Variants in OPRM1 observed in about 807,000 individuals in gnomAD.
The protein encoded by OPRM1 is mu-type opioid receptor.
OPRM1 carries 27 observed loss-of-function variants against 31.8 expected under a neutral mutation model. The ratio of observed to expected loss-of-function variants is 0.85; its 90% CI spans 0.63 to 1.17. The LOEUF is 1.17. OPRM1 is among the 50% of genes most tolerant of loss of function. OPRM1 has a pLI of 0.00. For synonymous variants in OPRM1, 196 were observed against 189.9 expected, an observed-to-expected ratio of 1.03 and a Z score of -0.26; for missense variants, 536 against 511.1, an observed-to-expected ratio of 1.05 and a Z score of -0.47.
intron 3 of OPRM1, among the ~76,000 whole-genome samples, chr6:154,238,924 T>G (rs1014115508): frequency 1.3e-5 from 2 of 151,424 alleles, no homozygotes; most frequent in African/African-American, 2.4e-5. Context: ...ATATTGTTGT[T>G]TTTTTTAAAA....
chr6:154,148,184 A>G (rs1798405921), intron 3 of OPRM1, among the ~76,000 whole-genome samples: 1 of 152,212 alleles, frequency 6.6e-6, no homozygotes, highest in Non-Finnish European at 1.5e-5. Flanking sequence ...TAGATCAAAC[A>G]TTCTGTGAAC....
Position 154,209,754 on chromosome 6 carries a change from G to C in OPRM1, c.1165-36939G>C, listed in dbSNP as rs774297908. On this transcript the variant is annotated intron_variant, in intron 3 of 3. Transcript: ENST00000337049. ...CTTCCATGTCTGTTTTTCAGAAAGA[G>C]AAGAAAACAAAAACAAAATCTGTCT... Among the ~76,000 whole-genome samples the C allele has an allele frequency of 3.3e-5, 5 of 151,738 alleles. 1 individual carries two copies. Among genetic ancestry groups the C allele is most frequent in the Admixed American group, 2.0e-4 (3 of 15,246 alleles).
At chr6:154,206,466 G>A (rs1777503979) in intron 3 of OPRM1, among the ~76,000 whole-genome samples, 1 of 152,218 alleles carries the variant, frequency 6.6e-6, no homozygotes. Flanking sequence ...AGTTTCAAAT[G>A]TGTGCTAGGC....
At chr6:154,159,582 G>A (rs1798851140) in intron 3 of OPRM1, 1 of 507,738 alleles carries the variant, frequency 2.0e-6, no homozygotes, top group Non-Finnish European at 3.4e-6. Flanking sequence ...TGAGCTCCCA[G>A]TAGGAACACA....
At chr6:154,139,621 A>G (rs1562504580) in intron 3 of OPRM1, among the ~76,000 whole-genome samples, 1 of 152,130 alleles carries the variant, frequency 6.6e-6, no homozygotes, top group African/African-American at 2.4e-5. Flanking sequence ...ACACCTTCTT[A>G]GTTTATAGCT....
At chr6:154,191,672 TCAACAACAACAA>T (rs140096033) in intron 3 of OPRM1, among the ~76,000 whole-genome samples, 18,935 of 149,626 alleles carry the variant, frequency 0.13, 1,482 homozygotes, top group African/African-American at 0.22. Context: ...AGACTTTGCC[TCAACAACAACAA>T]CAACAACAAC....
chr6:154,148,588 C>G (rs1005134792), intron 3 of OPRM1, among the ~76,000 whole-genome samples: 5 of 152,188 alleles, frequency 3.3e-5, no homozygotes, highest in African/African-American at 1.2e-4. Context: ...AAGGGACGCT[C>G]TCTGGTAGGT....
chr6:154,091,477 G>A lies in OPRM1; in HGVS notation c.1164+5G>A, dbSNP rs201007162. The A allele has an allele frequency of 2.1e-5, 34 of 1,605,926 alleles. No homozygotes were observed. Among genetic ancestry groups the A allele is most frequent in the South Asian group, 8.8e-5 (8 of 90,496 alleles). On this transcript the variant is annotated splice_donor_5th_base_variant and intron_variant, in intron 3 of 3. Transcript: ENST00000330432. Reference sequence around the variant, plus strand: ...GTGGATAGAACTAATCATCAGGTACGCAGTCTCTAGAATTAGGTATATCTA... The same window carrying A: ...GTGGATAGAACTAATCATCAGGTACACAGTCTCTAGAATTAGGTATATCTA...
At chr6:154,054,145 G>A (rs550162078) in intron 1 of OPRM1, among the ~76,000 whole-genome samples, 3 of 151,942 alleles carry the variant, frequency 2.0e-5, no homozygotes, top group South Asian at 2.1e-4. Flanking sequence ...CGAGGCCGGC[G>A]GATCACGAGG....
intron 1 of OPRM1, among the ~76,000 whole-genome samples, chr6:154,054,108 G>A (rs1030803473): frequency 2.0e-5 from 3 of 152,016 alleles, no homozygotes; most frequent in African/African-American, 7.2e-5. Context: ...GGTGGCTCAC[G>A]CCTGTAATCT....
chr6:154,133,046 G>A (rs1397521398), downstream of OPRM1, among the ~76,000 whole-genome samples: 3 of 151,810 alleles, frequency 2.0e-5, no homozygotes, highest in Admixed American at 6.6e-5. Flanking sequence ...GTGTGAACCC[G>A]GGAGGCGGAG....
chr6:154,086,009 A>G (rs994333913), intron 1 of OPRM1, among the ~76,000 whole-genome samples: 3 of 148,494 alleles, frequency 2.0e-5, no homozygotes, highest in Non-Finnish European at 4.4e-5. Context: ...CACCACCCCC[A>G]GCTAATTTTT....
At chr6:154,137,500 A>G (rs1798087858) in intron 3 of OPRM1, among the ~76,000 whole-genome samples, 1 of 152,168 alleles carries the variant, frequency 6.6e-6, no homozygotes, top group African/African-American at 2.4e-5. Context: ...AATTTATTTA[A>G]CAGAATAAAG....
chr6:154,114,779 G>A (rs1796691229), intron 3 of OPRM1, among the ~76,000 whole-genome samples: 1 of 150,438 alleles, frequency 6.6e-6, no homozygotes, highest in South Asian at 2.1e-4. Context: ...GACCATACAA[G>A]GCTGCTACAT....
intron 3 of OPRM1, among the ~76,000 whole-genome samples, chr6:154,104,739 G>A (rs1795341087): frequency 6.6e-6 from 1 of 152,282 alleles, no homozygotes; most frequent in East Asian, 1.9e-4. Context: ...ATAAAGTGCA[G>A]CAAGAATAAT....
intron 1 of OPRM1, among the ~76,000 whole-genome samples, chr6:154,057,300 AG>A (rs1783504441): frequency 6.6e-6 from 1 of 152,258 alleles, no homozygotes; most frequent in Non-Finnish European, 1.5e-5. Context: ...TGAGCAAAAT[AG>A]ACACAGTCTG....
intron 1 of OPRM1, among the ~76,000 whole-genome samples, chr6:154,047,175 C>A (rs1286801319): frequency 6.8e-6 from 1 of 146,908 alleles, no homozygotes; most frequent in Non-Finnish European, 1.5e-5. Context: ...TGTTTCATTC[C>A]CCCCACCCCC....
At chr6:154,048,739 A>G (rs1003118510) in intron 1 of OPRM1, among the ~76,000 whole-genome samples, 6 of 152,242 alleles carry the variant, frequency 3.9e-5, no homozygotes, top group African/African-American at 1.2e-4. Context: ...GATCTGTACC[A>G]TAGATACATA....
At chr6:154,152,286 AAG>A in intron 3 of OPRM1, among the ~76,000 whole-genome samples, 1 of 148,392 alleles carries the variant, frequency 6.7e-6, no homozygotes, top group South Asian at 2.1e-4. Flanking sequence ...AAGGAAAGAA[AAG>A]GAAGAGAGAA....
Sources: gnomAD v4.1 joint callset for allele counts (sites outside exome capture counted in the v4.1 genomes callset) on GRCh38, gnomAD v4.1.1 for gene constraint, MANE v1.5 for transcripts, NCBI Gene and HGNC (gene_info 2026-07-23, HGNC 2026-07-21) for gene names.